The following PAGE2B variants were observed in gnomAD, a reference collection of about 807,000 sequenced individuals.
The protein encoded by PAGE2B is putative G antigen family E member 3.
In PAGE2B, 5 loss-of-function variants were observed where a neutral mutation model predicts 7.6. The observed-to-expected ratio is 0.66, with a 90% CI of 0.34 to 1.38. The LOEUF (loss-of-function observed/expected upper bound fraction) is 1.38. Among genes scored for constraint, PAGE2B ranks in the 40% most tolerant of loss-of-function variants. PAGE2B has a pLI of 0.04. For missense variants in PAGE2B, 70 were observed against 78.4 expected (o/e 0.89, Z 0.41); for synonymous variants, 29 against 26.7 (o/e 1.09, Z -0.27).
At chrX:55,041,357 A>G in the PAGE2B span, among the ~76,000 whole-genome samples, 5 of 111,273 alleles carry the variant, frequency 4.5e-5, no homozygotes, top group African/African-American at 1.6e-4. Flanking sequence ...CTGGGATTAC[A>G]GGCGTGAGCC....
the PAGE2B span, among the ~76,000 whole-genome samples, chrX:55,048,766 C>A: frequency 1.8e-5 from 2 of 111,724 alleles, no homozygotes; most frequent in Admixed American, 1.9e-4. Context: ...GACAACTTGA[C>A]TTCCTCTTTT....
At chrX:55,047,671 A>C in the PAGE2B span, among the ~76,000 whole-genome samples, 2 of 112,100 alleles carry the variant, frequency 1.8e-5, no homozygotes, top group South Asian at 7.5e-4. Flanking sequence ...ATGGCCAGTG[A>C]TGATGAGCAT....
At chrX:55,042,695 T>C in the PAGE2B span, among the ~76,000 whole-genome samples, 5 of 58,407 alleles carry the variant, frequency 8.6e-5, no homozygotes, top group Admixed American at 5.9e-4. Context: ...AAAGAAATCA[T>C]AGAAACACAA....
At chrX:55,069,273 C>A in the PAGE2B span, among the ~76,000 whole-genome samples, 1 of 111,696 alleles carries the variant, frequency 9.0e-6, no homozygotes, top group East Asian at 2.8e-4. Context: ...TGTCAAAGAC[C>A]TTTTCTGCAT....
the PAGE2B span, among the ~76,000 whole-genome samples, chrX:55,053,513 C>T: frequency 1.3e-4 from 15 of 112,054 alleles, no homozygotes; most frequent in Non-Finnish European, 2.3e-4. Context: ...CACATGTATC[C>T]TGGAACTTAA....
rs1300287927 is a variant in PAGE2B, at chrX:55,076,658, AG to A, written c.176del (p.Gly59GlufsTer22). ...IAPSGEIENE[G>X]APAVQGPDME... The stretch of plus-strand genomic sequence containing the variant: ...CACCTAGTGGGGAGATCGAAAATGA[AG>A]GAGCACCTGCCGTTCAAGGTGAAGG... On this transcript the variant is annotated frameshift_variant, in exon 3 of 5. Transcript: ENST00000374971. LOFTEE classifies it high-confidence loss of function. 5 of 1,204,288 alleles carry A rather than the reference AG, an allele frequency of 4.2e-6. No individual in the cohort carries two copies. The highest frequency in any genetic ancestry group is 2.3e-4 in the Middle Eastern group (1 of 4,344).
chrX:55,037,818 G>T, the PAGE2B span, among the ~76,000 whole-genome samples: 5 of 101,302 alleles, frequency 4.9e-5, no homozygotes, highest in Admixed American at 4.5e-4. Flanking sequence ...ACCAAACACC[G>T]CATGTTCTCA....
chrX:55,075,129 C>T lies in PAGE2B; in HGVS notation c.-9+15C>T, dbSNP rs773728733. ...AGACTCAGCCGGTAGGTCCGCAGAGCGGTCTTCCTGGGAATTTAGTTGTGG... is the reference window on the plus strand; with the variant it reads ...AGACTCAGCCGGTAGGTCCGCAGAGTGGTCTTCCTGGGAATTTAGTTGTGG... On this transcript the variant is annotated intron_variant, in intron 1 of 4. Coordinates refer to ENST00000374971, the MANE Select transcript of PAGE2B (RefSeq NM_001015038.3). 2.7e-4 allele frequency: 31 copies of T among 116,976 alleles called. No individual in the cohort carries two copies. The South Asian group carries it at 4.7e-3, about 18-fold the overall frequency. The allele number at this position is 116,976 out of a possible 1,213,427, so 9.6% of individuals were successfully genotyped here.
chrX:55,038,306 G>A, the PAGE2B span, among the ~76,000 whole-genome samples: 1 of 111,802 alleles, frequency 8.9e-6, no homozygotes, highest in East Asian at 2.8e-4. Flanking sequence ...AGCATCATTT[G>A]TCAATAAAGA....
At chrX:55,075,923 G>A in intron 1 of PAGE2B, 111 bp from the exon 2 acceptor site, 1 of 789,737 alleles carries the variant, frequency 1.3e-6, no homozygotes, top group South Asian at 2.9e-5. Context: ...GAATTACGTT[G>A]AAAATATTTT....
At chrX:55,064,000 A>C in the PAGE2B span, among the ~76,000 whole-genome samples, 1 of 110,906 alleles carries the variant, frequency 9.0e-6, no homozygotes, top group African/African-American at 3.3e-5. Flanking sequence ...TTCATCAGTG[A>C]TATTGGCCTA....
chrX:55,075,561 G>A (rs1348163066), intron 1 of PAGE2B, among the ~76,000 whole-genome samples: 1 of 110,966 alleles, frequency 9.0e-6, no homozygotes, highest in Non-Finnish European at 1.9e-5. Context: ...GTCCCGTGAG[G>A]AGCATAACGT....
the PAGE2B span, among the ~76,000 whole-genome samples, chrX:55,034,786 A>G: frequency 9.2e-6 from 1 of 108,396 alleles, no homozygotes; most frequent in East Asian, 2.9e-4. Flanking sequence ...ATATACATAC[A>G]TATATATATT....
chrX:55,074,015 A>G (rs1376274605), upstream of PAGE2B, among the ~76,000 whole-genome samples: 1 of 111,667 alleles, frequency 9.0e-6, no homozygotes, highest in Non-Finnish European at 1.9e-5. Flanking sequence ...AGTGGAGTAG[A>G]AGCAAACACG....
chrX:55,072,963 C>G (rs751095053), upstream of PAGE2B, among the ~76,000 whole-genome samples: 296 of 111,573 alleles, frequency 2.7e-3, no homozygotes, highest in Middle Eastern at 0.014. Flanking sequence ...GCTGGGCTGG[C>G]AATGAGAATT....
chrX:55,043,968 A>AAATAATAAT, the PAGE2B span, among the ~76,000 whole-genome samples: 1,427 of 102,660 alleles, frequency 0.014, 28 homozygotes, highest in African/African-American at 0.049. Context: ...CTCTGTCTCT[A>AAATAATAAT]AATAATAATA....
chrX:55,063,838 T>C, the PAGE2B span, among the ~76,000 whole-genome samples: 1 of 111,735 alleles, frequency 8.9e-6, no homozygotes, highest in African/African-American at 3.2e-5. Flanking sequence ...CTTCATTCTG[T>C]TGATATGATT....
the PAGE2B span, among the ~76,000 whole-genome samples, chrX:55,035,397 G>T: frequency 8.9e-6 from 1 of 111,792 alleles, no homozygotes. Context: ...TTTTAAATGG[G>T]TTATGAAGCA....
chrX:55,051,459 A>C, the PAGE2B span, among the ~76,000 whole-genome samples: 17 of 111,742 alleles, frequency 1.5e-4, no homozygotes, highest in African/African-American at 5.5e-4. Context: ...TTAGACATAG[A>C]TTTGGTCTTT....
Sources: gnomAD v4.1 joint callset for allele counts (sites outside exome capture counted in the v4.1 genomes callset) on GRCh38, gnomAD v4.1.1 for gene constraint, MANE v1.5 for transcripts, NCBI Gene and HGNC (gene_info 2026-07-23, HGNC 2026-07-21) for gene names.